NFIA: variants seen among roughly 807,000 people sequenced by gnomAD.
The protein encoded by NFIA is nuclear factor I A.
Under a neutral mutation model 62.8 loss-of-function variants are expected in NFIA, and 8 were observed. The ratio of observed to expected loss-of-function variants is 0.13; its 90% CI spans 0.07 to 0.23. NFIA has a LOEUF of 0.23. NFIA is among the 10% of genes least tolerant of loss of function. The probability of loss-of-function intolerance (pLI) is 1.00; values close to 1 mark genes in which losing one functional copy is unlikely to be tolerated. For missense variants in NFIA, 410 were observed against 642.1 expected, an observed-to-expected ratio of 0.64 and a Z score of 3.91; for synonymous variants, 235 against 238.1, an observed-to-expected ratio of 0.99 and a Z score of 0.12.
intron 2 of NFIA, among the ~76,000 whole-genome samples, chr1:61,115,281 G>A (rs1019438347): frequency 1.3e-5 from 2 of 152,136 alleles, no homozygotes; most frequent in East Asian, 1.9e-4. Context: ...GCACCCAGCC[G>A]CAAATATATA....
chr1:61,172,160 A>G (rs1411483249), intron 2 of NFIA, among the ~76,000 whole-genome samples: 1 of 152,218 alleles, frequency 6.6e-6, no homozygotes, highest in East Asian at 1.9e-4. Flanking sequence ...GAATGGAAGC[A>G]GTGTATTTGG....
intron 2 of NFIA, among the ~76,000 whole-genome samples, chr1:61,164,300 C>T (rs1241284151): frequency 2.0e-5 from 3 of 151,944 alleles, no homozygotes; most frequent in Non-Finnish European, 2.9e-5. Flanking sequence ...TTAGACTAGC[C>T]TTATTTATTC....
At chr1:61,335,666 A>T (rs1268715343) in intron 4 of NFIA, among the ~76,000 whole-genome samples, 1 of 152,012 alleles carries the variant, frequency 6.6e-6, no homozygotes, top group Admixed American at 6.6e-5. Context: ...AACATGGAGA[A>T]ACCCCATCTC....
chr1:61,160,653 T>C (rs1262992418), intron 2 of NFIA, among the ~76,000 whole-genome samples: 2 of 152,206 alleles, frequency 1.3e-5, no homozygotes, highest in Non-Finnish European at 2.9e-5. Context: ...ATAATTGCAT[T>C]GACTTACACT....
intron 2 of NFIA, among the ~76,000 whole-genome samples, chr1:61,220,860 T>A (rs927264181): frequency 6.6e-6 from 1 of 152,220 alleles, no homozygotes; most frequent in Non-Finnish European, 1.5e-5. Flanking sequence ...TAAAAAGTGT[T>A]TTTATTTACA....
chr1:61,151,246 G>A (rs927583326), intron 2 of NFIA, among the ~76,000 whole-genome samples: 6 of 152,134 alleles, frequency 3.9e-5, no homozygotes, highest in East Asian at 1.9e-4. Flanking sequence ...TCTCCACTCC[G>A]TTGCCCAGGC....
upstream of NFIA, among the ~76,000 whole-genome samples, chr1:61,077,852 C>CTTTTTT (rs1179358669): frequency 6.2e-5 from 7 of 113,492 alleles, no homozygotes; most frequent in Non-Finnish European, 1.2e-4. Context: ...TTTTCTTTTT[C>CTTTTTT]TTTTTTTTTT....
intron 2 of NFIA, among the ~76,000 whole-genome samples, chr1:61,235,812 C>CA (rs199585835): frequency 0.049 from 5,206 of 106,294 alleles, 123 homozygotes; most frequent in African/African-American, 0.095. Flanking sequence ...GATCCTGTCT[C>CA]AAAAAAAAAA....
intron 2 of NFIA, among the ~76,000 whole-genome samples, chr1:61,194,719 A>G (rs1651876889): frequency 6.6e-6 from 1 of 152,160 alleles, no homozygotes; most frequent in Non-Finnish European, 1.5e-5. Context: ...GGAACTGGCA[A>G]AGATAACAAA....
intron 4 of NFIA, among the ~76,000 whole-genome samples, chr1:61,343,415 G>T (rs986733973): frequency 7.9e-5 from 12 of 152,250 alleles, no homozygotes; most frequent in African/African-American, 2.9e-4. Flanking sequence ...CCGCCACCAT[G>T]TATATATTCC....
intron 2 of NFIA, among the ~76,000 whole-genome samples, chr1:61,263,262 T>C (rs938951560): frequency 6.6e-6 from 1 of 152,232 alleles, no homozygotes; most frequent in Non-Finnish European, 1.5e-5. Context: ...TATTCTTTGC[T>C]TACTTTAAGG....
At chr1:61,358,877 T>C (rs558316660) in intron 5 of NFIA, among the ~76,000 whole-genome samples, 1 of 152,336 alleles carries the variant, frequency 6.6e-6, no homozygotes, top group African/African-American at 2.4e-5. Context: ...CAGCCGCTTA[T>C]TCCTCAAAGG....
At chr1:61,231,784 G>A (rs1473512496) in intron 2 of NFIA, among the ~76,000 whole-genome samples, 1 of 152,066 alleles carries the variant, frequency 6.6e-6, no homozygotes, top group East Asian at 1.9e-4. Context: ...AGCTGTGATT[G>A]TAACTGAGAA....
intron 2 of NFIA, among the ~76,000 whole-genome samples, chr1:61,167,966 G>T (rs2100545283): frequency 6.6e-6 from 1 of 152,224 alleles, no homozygotes; most frequent in South Asian, 2.1e-4. Flanking sequence ...AATAAGATTA[G>T]GAAGATTTTA....
chr1:61,247,188 AC>A (rs1458597678), intron 2 of NFIA, among the ~76,000 whole-genome samples: 1 of 152,238 alleles, frequency 6.6e-6, no homozygotes, highest in African/African-American at 2.4e-5. Flanking sequence ...TCCCAAAGTT[AC>A]AACTCTATCA....
intron 3 of NFIA, among the ~76,000 whole-genome samples, chr1:61,317,374 A>G (rs532804815): frequency 2.2e-4 from 34 of 152,214 alleles, no homozygotes; most frequent in Non-Finnish European, 3.4e-4. Flanking sequence ...CTTGGCCTCT[A>G]TAGATATTCA....
At chr1:61,162,586 C>T (rs969928674) in intron 2 of NFIA, among the ~76,000 whole-genome samples, 1 of 152,106 alleles carries the variant, frequency 6.6e-6, no homozygotes, top group Non-Finnish European at 1.5e-5. Flanking sequence ...GGGCACTATC[C>T]GTATTCTTAG....
chr1:61,411,260 A>G (rs1014439978), intron 9 of NFIA, among the ~76,000 whole-genome samples: 11 of 152,136 alleles, frequency 7.2e-5, no homozygotes, highest in African/African-American at 2.7e-4. Flanking sequence ...TGGGGGAAAA[A>G]AAATCCTGTG....
At chr1:61,444,361 A>G (rs1200707699) in intron 10 of NFIA, among the ~76,000 whole-genome samples, 1 of 152,152 alleles carries the variant, frequency 6.6e-6, no homozygotes, top group Non-Finnish European at 1.5e-5. Flanking sequence ...TACTAACGAG[A>G]ACTTGGTGCT....
Sources: allele counts gnomAD v4.1 joint callset (sites outside exome capture counted in the v4.1 genomes callset), GRCh38; gene constraint gnomAD v4.1.1; transcripts MANE v1.5; gene names NCBI Gene and HGNC (gene_info 2026-07-23, HGNC 2026-07-21).